The following SH3D19 variants were observed in gnomAD, a reference collection of about 807,000 sequenced individuals.
SH3D19 encodes SH3 domain-containing protein 19.
SH3D19 carries 58 observed loss-of-function variants against 112.1 expected under a neutral mutation model. That is an observed-to-expected ratio of 0.52 (90% CI 0.42 to 0.64). The LOEUF (loss-of-function observed/expected upper bound fraction) is 0.64, where lower values mean the gene tolerates loss of function less well. Among genes scored for constraint, SH3D19 ranks in the 30% least tolerant of loss-of-function variants. The probability of loss-of-function intolerance (pLI) is 0.00; values close to 1 mark genes in which losing one functional copy is unlikely to be tolerated. For synonymous variants in SH3D19, 391 were observed against 448.5 expected (o/e 0.87, Z 1.62); for missense variants, 1,090 against 1,263.4 (o/e 0.86, Z 2.08).
At chr4:151,161,662 T>G (rs1006805304) in intron 8 of SH3D19, among the ~76,000 whole-genome samples, 5 of 150,330 alleles carry the variant, frequency 3.3e-5, no homozygotes, top group Non-Finnish European at 7.4e-5. Flanking sequence ...CTTTAAGTTC[T>G]AGGGTACATG....
At chr4:151,140,085 C>A (rs1467997567) in intron 12 of SH3D19, 1 of 443,774 alleles carries the variant, frequency 2.3e-6, no homozygotes, top group Non-Finnish European at 4.0e-6. Flanking sequence ...AGTATGTTTT[C>A]TTTTTGCTTT....
At chr4:151,160,243 C>T (rs1483256561) in intron 8 of SH3D19, among the ~76,000 whole-genome samples, 2 of 151,994 alleles carry the variant, frequency 1.3e-5, no homozygotes, top group Non-Finnish European at 2.9e-5. Context: ...CCCGCCACCA[C>T]GCCTGCCTAA....
chr4:151,231,959 G>A (rs565461331), intron 1 of SH3D19, among the ~76,000 whole-genome samples: 8 of 152,246 alleles, frequency 5.3e-5, no homozygotes, highest in East Asian at 3.9e-4. Flanking sequence ...TGAGGTGGGC[G>A]GATCACTTGA....
chr4:151,308,870 TTTTTC>T (rs769841722), intron 1 of SH3D19, among the ~76,000 whole-genome samples: 6 of 152,270 alleles, frequency 3.9e-5, no homozygotes, highest in Admixed American at 2.6e-4. Flanking sequence ...GCGTCTTTCT[TTTTTC>T]TTTTATTTTT....
chr4:151,229,116 C>T (rs1195063361), intron 1 of SH3D19, among the ~76,000 whole-genome samples: 2 of 150,982 alleles, frequency 1.3e-5, no homozygotes, highest in East Asian at 1.9e-4. Context: ...AAGCGATCCT[C>T]CTGCCTTGGC....
intron 3 of SH3D19, among the ~76,000 whole-genome samples, chr4:151,180,929 ATTTTT>A (rs67090009): frequency 2.3e-5 from 3 of 132,050 alleles, no homozygotes; most frequent in East Asian, 2.2e-4. Flanking sequence ...ATGCCCGGCT[ATTTTT>A]TTTTTTTTTT....
In SH3D19 at chr4:151,318,972, T is replaced by C. The variant is rs17027557; in HGVS notation, c.112+6269A>G. Among the ~76,000 whole-genome samples the C allele has an allele frequency of 7.0e-3, 1,067 of 152,328 alleles. 10 individuals are homozygous for C. The highest frequency in any genetic ancestry group is 0.024 in the African/African-American group (1,018 of 41,564). On this transcript the variant is annotated intron_variant, in intron 1 of 19. Transcript: ENST00000604030. ...GCATAGTCTTTAAAAGCAGGGAGCC[T>C]ATTTTATATATCTCTTTGTATTGCC...
rs1760030031 is a variant in SH3D19, at chr4:151,176,877, CA to C, written c.314del (p.Leu105ArgfsTer30). The C allele has an allele frequency of 4.1e-6, 5 of 1,232,212 alleles. No individual in the cohort carries two copies. Among genetic ancestry groups the C allele is most frequent in the Non-Finnish European group, 5.1e-6 (5 of 987,986 alleles). 76.3% of individuals were successfully genotyped at this position (1,232,212 alleles called of 1,614,324 possible). ...SWFPGTPPPG[L>X]GFPTSSAAGS... Reference sequence around the variant, plus strand: ...CTGCTGCAGATGATGTAGGAAATCCCAGTCCTGGGGGTGGGGTTCCTGGAAA... The same window carrying C: ...CTGCTGCAGATGATGTAGGAAATCCCGTCCTGGGGGTGGGGTTCCTGGAAA... On this transcript the variant is annotated frameshift_variant, in exon 5 of 20. Coordinates refer to ENST00000604030, the MANE Select transcript of SH3D19 (RefSeq NM_001378122.1). LOFTEE classifies it high-confidence loss of function.
chr4:151,281,099 G>C (rs936068245), intron 1 of SH3D19, among the ~76,000 whole-genome samples: 1 of 148,356 alleles, frequency 6.7e-6, no homozygotes, highest in Admixed American at 6.9e-5. Context: ...AAAGGATAAA[G>C]AAAGTGCCAA....
At chr4:151,240,818 T>C (rs1186705539) in intron 1 of SH3D19, among the ~76,000 whole-genome samples, 1 of 151,932 alleles carries the variant, frequency 6.6e-6, no homozygotes, top group Non-Finnish European at 1.5e-5. Flanking sequence ...CAAACATGTC[T>C]ACACAAAATC....
At chr4:151,185,040 GTTTTTTTTTT>G (rs66567240) in intron 3 of SH3D19, among the ~76,000 whole-genome samples, 2 of 66,520 alleles carry the variant, frequency 3.0e-5, no homozygotes, top group African/African-American at 1.4e-4. Flanking sequence ...GCTGTGTCCT[GTTTTTTTTTT>G]TTTTTTTTTT....
chr4:151,135,157 C>T (rs1489619492), intron 14 of SH3D19, 25 bp from the exon 15 acceptor site: 3 of 1,553,344 alleles, frequency 1.9e-6, no homozygotes, highest in Non-Finnish European at 1.7e-6. Flanking sequence ...ATCAAGGCAA[C>T]AATTATATTT....
chr4:151,259,410 G>C (rs1447230464), intron 1 of SH3D19: 1 of 152,404 alleles, frequency 6.6e-6, no homozygotes, highest in Non-Finnish European at 1.5e-5. Flanking sequence ...TGACCATGGA[G>C]GGGTGAGGGT....
intron 1 of SH3D19, among the ~76,000 whole-genome samples, chr4:151,272,671 A>G (rs903087331): frequency 4.0e-5 from 6 of 151,756 alleles, no homozygotes; most frequent in African/African-American, 1.5e-4. Flanking sequence ...GGATTTGTCT[A>G]TCTACTTCCT....
At chr4:151,202,167 C>G (rs1017641512) in intron 2 of SH3D19, among the ~76,000 whole-genome samples, 3 of 152,032 alleles carry the variant, frequency 2.0e-5, no homozygotes, top group Non-Finnish European at 4.4e-5. Context: ...AACCCTGTCT[C>G]TACTAAAAAT....
intron 9 of SH3D19, among the ~76,000 whole-genome samples, chr4:151,158,462 G>T (rs763987165): frequency 6.6e-6 from 1 of 151,924 alleles, no homozygotes; most frequent in Non-Finnish European, 1.5e-5. Flanking sequence ...ACCACGTCCG[G>T]CTAATTTTTG....
chr4:151,266,141 G>A (rs975444608), intron 1 of SH3D19: 8 of 152,136 alleles, frequency 5.3e-5, no homozygotes, highest in African/African-American at 9.7e-5. Context: ...TTAAGGCAAC[G>A]TACTAGGAAT....
At chr4:151,133,298 T>G (rs1436205880) in intron 15 of SH3D19, 62 bp from the exon 16 acceptor site, 6 of 1,336,336 alleles carry the variant, frequency 4.5e-6, no homozygotes, top group Admixed American at 1.8e-5. Context: ...CTTAAAAACC[T>G]TCATTCAGTC....
intron 2 of SH3D19, among the ~76,000 whole-genome samples, chr4:151,211,445 AG>A (rs766664525): frequency 1.1e-4 from 17 of 152,186 alleles, no homozygotes; most frequent in Non-Finnish European, 2.5e-4. Context: ...TTCAAGTGAA[AG>A]GAAGAATTGC....
Sources: allele counts gnomAD v4.1 joint callset (sites outside exome capture counted in the v4.1 genomes callset), GRCh38; gene constraint gnomAD v4.1.1; transcripts MANE v1.5; gene names NCBI Gene and HGNC (gene_info 2026-07-23, HGNC 2026-07-21).